The following SLC8A3 variants were observed in gnomAD, a reference collection of about 807,000 sequenced individuals.
The protein encoded by SLC8A3 is sodium/calcium exchanger 3.
Under a neutral mutation model 65.4 loss-of-function variants are expected in SLC8A3, and 37 were observed. The ratio of observed to expected loss-of-function variants is 0.57; its 90% confidence interval spans 0.44 to 0.74. SLC8A3 has a LOEUF of 0.74. Ranked by LOEUF, SLC8A3 falls within the 30% of genes least tolerant of loss-of-function variation. The pLI is 0.00. For synonymous variants in SLC8A3, 461 were observed against 444.5 expected, an observed-to-expected ratio of 1.04 and a Z score of -0.47; for missense variants, 1,112 against 1,172.1, an observed-to-expected ratio of 0.95 and a Z score of 0.75.
At chr14:70,077,768 T>C (rs178920) in intron 2 of SLC8A3, among the ~76,000 whole-genome samples, 137,034 of 152,284 alleles carry the variant, frequency 0.9, 61,817 homozygotes, top group East Asian at 1. Flanking sequence ...CCTTTTGCAC[T>C]CTGCCCTCGC....
chr14:70,126,387 C>T (rs1432861242), intron 2 of SLC8A3, among the ~76,000 whole-genome samples: 1 of 152,100 alleles, frequency 6.6e-6, no homozygotes, highest in Non-Finnish European at 1.5e-5. Context: ...TATCTTGCCA[C>T]CCTAAGATTC....
chr14:70,104,484 G>A lies in SLC8A3; in HGVS notation c.1785-43545C>T, dbSNP rs543715887. Among the ~76,000 whole-genome samples the A allele has an allele frequency of 1.1e-4, 16 of 152,156 alleles. No individual in the cohort carries two copies. The East Asian group carries it at 3.1e-3, about 30-fold the overall frequency. On this transcript the variant is annotated intron_variant, in intron 2 of 6. Coordinates refer to ENST00000356921, the MANE Select transcript of SLC8A3 (RefSeq NM_182932.3). ...ACATTTATGATTGTTGTATATTCTT[G>A]ATGAATCAATTCGTCTATTATTTAT...
intron 2 of SLC8A3, among the ~76,000 whole-genome samples, chr14:70,114,194 C>T (rs1039476340): frequency 5.3e-5 from 8 of 152,260 alleles, no homozygotes; most frequent in Middle Eastern, 3.4e-3. Flanking sequence ...TCACCCTCTG[C>T]GGACCACCTG....
In SLC8A3 at chr14:70,051,112, TAAG is replaced by T. The variant is rs771097280; in HGVS notation, c.2014-8_2014-6del. The stretch of plus-strand genomic sequence containing the variant: ...GATCAGTTTGTCCACCGTAGTCTGT[TAAG>T]AAGAGAAAAACTTGGAACCATGAGG... On this transcript the variant is annotated splice_region_variant and splice_polypyrimidine_tract_variant and intron_variant, in intron 4 of 6. Transcript: ENST00000356921. 3.6e-4 allele frequency: 578 copies of T among 1,604,932 alleles called. 2 individuals carry two copies. The highest frequency in any genetic ancestry group is 4.8e-4 in the Non-Finnish European group (566 of 1,171,920).
chr14:70,097,483 C>G (rs536303516), intron 2 of SLC8A3, among the ~76,000 whole-genome samples: 1 of 152,154 alleles, frequency 6.6e-6, no homozygotes, highest in African/African-American at 2.4e-5. Context: ...GGGTACAAAA[C>G]CTGGCTCCAC....
intron 2 of SLC8A3, among the ~76,000 whole-genome samples, chr14:70,128,251 C>T (rs999714898): frequency 5.9e-5 from 9 of 152,188 alleles, no homozygotes; most frequent in African/African-American, 1.7e-4. Context: ...CTTATCCTGT[C>T]CCTTTCAATG....
rs755672807 is a variant in SLC8A3, at chr14:70,167,027, C to T, written c.1396G>A (p.Val466Met). The change falls in exon 2 of 7, where the codon GTG (valine) becomes ATG (methionine). Residue 466 changes from valine to methionine, a missense_variant. By Grantham distance (21) the Val-to-Met change is conservative (BLOSUM62 1). Coordinates refer to ENST00000356921, the MANE Select transcript of SLC8A3 (RefSeq NM_182932.3). ...KPGETQKEFS[V>M]GIIDDDIFEE... ...AAAATGTCGTCATCAATTATGCCCA[C>T]GGAGAACTCCTTCTGGGTCTCTCCT... 2.5e-6 allele frequency: 4 copies of T among 1,613,938 alleles called. No individual in the cohort carries two copies. Among genetic ancestry groups the T allele is most frequent in the South Asian group, 1.1e-5 (1 of 91,082 alleles).
intron 2 of SLC8A3, among the ~76,000 whole-genome samples, chr14:70,071,479 A>G (rs975959807): frequency 2.0e-5 from 3 of 152,342 alleles, no homozygotes; most frequent in Non-Finnish European, 4.4e-5. Context: ...TCTTGTGAAT[A>G]GGAACATAGG....
chr14:70,050,135 T>G (rs963346693), intron 5 of SLC8A3, among the ~76,000 whole-genome samples: 9 of 152,150 alleles, frequency 5.9e-5, no homozygotes, highest in African/African-American at 1.7e-4. Context: ...TCCCCTCCTT[T>G]GTAAAAGGAG....
chr14:70,111,147 C>T (rs944879116), intron 2 of SLC8A3, among the ~76,000 whole-genome samples: 7 of 152,162 alleles, frequency 4.6e-5, no homozygotes, highest in African/African-American at 1.4e-4. Context: ...ATGAAAGCTC[C>T]GTTTTCTTCA....
intron 2 of SLC8A3, among the ~76,000 whole-genome samples, chr14:70,126,981 A>G (rs963627423): frequency 6.6e-6 from 1 of 152,176 alleles, no homozygotes; most frequent in Non-Finnish European, 1.5e-5. Flanking sequence ...TATTGAGTTT[A>G]TTCATGCTAT....
chr14:70,116,943 A>G (rs1281777508), intron 2 of SLC8A3, among the ~76,000 whole-genome samples: 5 of 152,254 alleles, frequency 3.3e-5, no homozygotes, highest in African/African-American at 1.2e-4. Flanking sequence ...AGACTTTTCA[A>G]CATGAATAAG....
In SLC8A3 at chr14:70,051,512, G is replaced by A. The variant is rs186116259; in HGVS notation, c.2014-405C>T. Among the ~76,000 whole-genome samples, 102 of 152,170 alleles carry A rather than the reference G, an allele frequency of 6.7e-4. No individual in the cohort carries two copies. The East Asian group carries it at 0.019, about 29-fold the overall frequency. ...GATGGAGTCTCCCTATGTTGCCCAG[G>A]CTGGTCTCAAATTCCTAGGTATAAG... On this transcript the variant is annotated intron_variant, in intron 4 of 6. Coordinates refer to ENST00000356921, the MANE Select transcript of SLC8A3 (RefSeq NM_182932.3).
chr14:70,142,270 A>G (rs914547165), intron 2 of SLC8A3, among the ~76,000 whole-genome samples: 3 of 152,254 alleles, frequency 2.0e-5, no homozygotes, highest in Admixed American at 2.0e-4. Flanking sequence ...GTTCTTGCAG[A>G]GCTCAGAAAA....
At chr14:70,057,356 T>A (rs1888269897) in intron 3 of SLC8A3, among the ~76,000 whole-genome samples, 1 of 152,000 alleles carries the variant, frequency 6.6e-6, no homozygotes, top group Non-Finnish European at 1.5e-5. Context: ...TTGTTTATTC[T>A]GCTCCTTCCG....
intron 2 of SLC8A3, among the ~76,000 whole-genome samples, chr14:70,062,591 A>G (rs991039391): frequency 7.9e-5 from 12 of 152,232 alleles, no homozygotes; most frequent in Admixed American, 2.6e-4. Flanking sequence ...AGTACACTCT[A>G]TAATTTTCCC....
chr14:70,117,779 T>G (rs961953937), intron 2 of SLC8A3, among the ~76,000 whole-genome samples: 2 of 152,102 alleles, frequency 1.3e-5, no homozygotes, highest in African/African-American at 4.8e-5. Flanking sequence ...TTTAGGGAGC[T>G]CTCACACTCC....
chr14:70,172,318 T>A (rs1039351005), intron 1 of SLC8A3, among the ~76,000 whole-genome samples: 6 of 152,216 alleles, frequency 3.9e-5, no homozygotes, highest in African/African-American at 1.4e-4. Context: ...GGAAACTGAG[T>A]CTTACCTAAG....
chr14:70,140,041 A>G (rs2140264906), intron 2 of SLC8A3, among the ~76,000 whole-genome samples: 1 of 152,334 alleles, frequency 6.6e-6, no homozygotes, highest in East Asian at 1.9e-4. Flanking sequence ...TTTTAATGGT[A>G]AAAATTGCAA....
Sources: gnomAD v4.1 joint callset for allele counts (sites outside exome capture counted in the v4.1 genomes callset) on GRCh38, gnomAD v4.1.1 for gene constraint, MANE v1.5 for transcripts, NCBI Gene and HGNC (gene_info 2026-07-23, HGNC 2026-07-21) for gene names.